ASB2: variants seen among roughly 807,000 people sequenced by gnomAD.
The protein encoded by ASB2 is ankyrin repeat and SOCS box protein 2.
A neutral mutation model predicts 62.4 loss-of-function variants in ASB2; 58 were observed. The observed-to-expected ratio is 0.93, with a 90% CI of 0.75 to 1.16. The LOEUF is 1.16. Ranked by LOEUF, ASB2 falls within the 50% of genes most tolerant of loss-of-function variation. The probability of loss-of-function intolerance (pLI) is 0.00; values close to 1 mark genes in which losing one functional copy is unlikely to be tolerated. For missense variants in ASB2, 928 were observed against 887.9 expected, an observed-to-expected ratio of 1.05 and a Z score of -0.57; for synonymous variants, 386 against 385.3, an observed-to-expected ratio of 1.00 and a Z score of -0.02.
chr14:93,939,772 G>A lies in ASB2; in HGVS notation c.1053-100C>T. The stretch of plus-strand genomic sequence containing the variant: ...GAGAGCTCGGGCGCCAGGCTCGGCT[G>A]GTCGCCCTGACCGCGGGCTGCGACG... On this transcript the variant is annotated intron_variant, in intron 7 of 9. Coordinates refer to ENST00000555019, the MANE Select transcript of ASB2 (RefSeq NM_001202429.2). 3.0e-6 allele frequency: 3 copies of A among 1,009,408 alleles called. No homozygotes were observed. The Admixed American group carries it at 1.3e-4, about 42-fold the overall frequency. 62.5% of individuals were successfully genotyped at this position (1,009,408 alleles called of 1,614,324 possible).
In ASB2 at chr14:93,947,381, C is replaced by T. The variant is rs566476720; in HGVS notation, c.1020G>A (p.Pro340=). The change falls in exon 7 of 10, where the codon CCG becomes CCA. Residue 340 remains proline (P), a synonymous_variant. Transcript: ENST00000555019. Reference sequence around the variant, plus strand: ...TGCCCTTCTTGGAGGCGATGTGCAGCGGGAGCAAGCCGTCCTTGTTGGTCT... The same window carrying T: ...TGCCCTTCTTGGAGGCGATGTGCAGTGGGAGCAAGCCGTCCTTGTTGGTCT... ...ANKTNKDGLL[P]LHIASKKGNY... 39 of 1,614,188 alleles carry T rather than the reference C, an allele frequency of 2.4e-5. No homozygotes were observed. The African/African-American group carries it at 2.5e-4, about 10-fold the overall frequency.
At chr14:93,976,342 A>T (rs1316119034) in intron 1 of ASB2, 92 bp downstream of exon 1, 1 of 152,234 alleles carries the variant, frequency 6.6e-6, no homozygotes, top group African/African-American at 2.4e-5. Context: ...TTTGACTACA[A>T]GCGGTTTCCA....
At chr14:93,971,449 CA>C (rs2141322594) in intron 1 of ASB2, among the ~76,000 whole-genome samples, 1 of 152,354 alleles carries the variant, frequency 6.6e-6, no homozygotes, top group African/African-American at 2.4e-5. Context: ...TGACTGCCAA[CA>C]AATGACAAGA....
At chr14:93,957,334 G>A (rs1332590562) in intron 2 of ASB2, 2 of 1,042,474 alleles carry the variant, frequency 1.9e-6, no homozygotes, top group Non-Finnish European at 2.3e-6. Context: ...AAGCTGAGAA[G>A]CCAAGCTGTA....
intron 7 of ASB2, 133 bp from the exon 8 acceptor site, chr14:93,939,805 C>T (rs1595301736): frequency 4.4e-6 from 3 of 687,862 alleles, no homozygotes; most frequent in South Asian, 2.8e-5. Flanking sequence ...ACGCGGATCC[C>T]ACCGGCAGGG....
rs547067875 is a variant in ASB2, at chr14:93,937,840, G to C, written c.1629C>G (p.Phe543Leu). The change falls in exon 9 of 10, where the codon TTC becomes TTG. Residue 543 changes from phenylalanine (F) to leucine (L), a missense_variant. Transcript: ENST00000555019. Reference protein sequence around the residue: ...KEPSVVQFCEFVSAPEVSRWA... With the variant: ...KEPSVVQFCELVSAPEVSRWA... The stretch of plus-strand genomic sequence containing the variant: ...AGCGGCTCACCTCTGGGGCAGATAC[G>C]AACTCACAGAACTGAAAGAGAACAT... The C allele has an allele frequency of 2.5e-6, 4 of 1,596,888 alleles. No homozygotes were observed. The highest frequency in any genetic ancestry group is 2.7e-5 in the African/African-American group (2 of 74,758).
In ASB2 at chr14:93,937,753, C is replaced by G; in HGVS notation, c.1716G>C (p.Arg572=). 6.2e-7 allele frequency: 1 copy of G among 1,613,176 alleles called. No individual in the cohort carries two copies. The highest frequency in any genetic ancestry group is 8.5e-7 in the Non-Finnish European group (1 of 1,179,172). The change falls in exon 9 of 10, where the codon CGG becomes CGC. Residue 572 remains arginine, a synonymous_variant. Coordinates refer to ENST00000555019, the MANE Select transcript of ASB2 (RefSeq NM_001202429.2). ...CAAAGCTGTCGATGTGTTCCTTCAG[C>G]CGCGAGCAGAGCTGCACGTTGCCCA... is the stretch of plus-strand genomic sequence containing the variant. ...DYVGNVQLCS[R]LKEHIDSFED... is the part of the protein sequence containing the mutation.
Position 93,939,213 on chromosome 14 carries a change from G to A in ASB2, c.1512C>T (p.Pro504=), listed in dbSNP as rs1181231078. ...FLMDLGCDGE[P]CFSCLYGNGP... is the part of the protein sequence containing the mutation. ...CGTTGCCGTAGAGGCATGAGAAGCA[G>A]GGCTCGCCGTCGCAGCCCAGGTCCA... Residue 504 remains proline, a synonymous_variant, in exon 8 of 10, where the codon CCC becomes CCT. Coordinates refer to ENST00000555019, the MANE Select transcript of ASB2 (RefSeq NM_001202429.2). 7 of 1,607,348 alleles carry A rather than the reference G, an allele frequency of 4.4e-6. No homozygotes were observed. The highest frequency in any genetic ancestry group is 6.0e-6 in the Non-Finnish European group (7 of 1,175,686).
intron 7 of ASB2, chr14:93,941,491 C>G (rs1345014911): frequency 2.8e-6 from 1 of 362,636 alleles, no homozygotes; most frequent in Non-Finnish European, 5.5e-6. Flanking sequence ...TGGCTAAAAT[C>G]TGACTCTAAA....
intron 2 of ASB2, among the ~76,000 whole-genome samples, chr14:93,960,907 A>G (rs1341194849): frequency 6.6e-6 from 1 of 152,024 alleles, no homozygotes; most frequent in Non-Finnish European, 1.5e-5. Flanking sequence ...AAAAACATTT[A>G]TTAGGTAGCT....
chr14:93,939,739 G>T, intron 7 of ASB2, 67 bp from the exon 8 acceptor site: 1 of 1,234,046 alleles, frequency 8.1e-7, no homozygotes, highest in Admixed American at 4.1e-5. Context: ...GGCCGGCCCC[G>T]CCAGCAGGAG....
At chr14:93,955,324 G>A (rs1889147278) in intron 3 of ASB2, 1 of 363,480 alleles carries the variant, frequency 2.8e-6, no homozygotes. Flanking sequence ...CCTCCAGCGT[G>A]AGCAGCACTT....
intron 2 of ASB2, among the ~76,000 whole-genome samples, chr14:93,958,019 C>A (rs553241820): frequency 6.6e-6 from 1 of 152,302 alleles, no homozygotes; most frequent in South Asian, 2.1e-4. Context: ...CCAGAGCCTA[C>A]AGATTCTGTG....
intron 6 of ASB2, among the ~76,000 whole-genome samples, chr14:93,949,038 A>C (rs2141287941): frequency 6.6e-6 from 1 of 152,344 alleles, no homozygotes; most frequent in Admixed American, 6.5e-5. Context: ...AGTCTTCTAC[A>C]CCTGCTTCAT....
intron 2 of ASB2, among the ~76,000 whole-genome samples, chr14:93,963,188 A>C (rs1889469103): frequency 6.6e-6 from 1 of 152,218 alleles, no homozygotes; most frequent in Non-Finnish European, 1.5e-5. Context: ...TGCACATCGG[A>C]AAAAGTCTGT....
At chr14:93,958,638 G>A (rs2141304858) in intron 2 of ASB2, among the ~76,000 whole-genome samples, 1 of 152,312 alleles carries the variant, frequency 6.6e-6, no homozygotes, top group East Asian at 1.9e-4. Context: ...CAGAGCCAAG[G>A]CCCCTCCTCA....
At chr14:93,948,529 A>G (rs1225308209) in intron 6 of ASB2, among the ~76,000 whole-genome samples, 1 of 152,246 alleles carries the variant, frequency 6.6e-6, no homozygotes, top group Non-Finnish European at 1.5e-5. Context: ...AATAACTTCT[A>G]GCTCTTATCA....
chr14:93,936,131 C>G (rs1005144085), intron 9 of ASB2, among the ~76,000 whole-genome samples: 9 of 152,314 alleles, frequency 5.9e-5, no homozygotes, highest in Admixed American at 2.6e-4. Context: ...GCAGAGGACA[C>G]GGAACCATGA....
chr14:93,949,612 A>C (rs2141288811), intron 6 of ASB2, among the ~76,000 whole-genome samples: 1 of 152,186 alleles, frequency 6.6e-6, no homozygotes, highest in East Asian at 1.9e-4. Context: ...GGGCTCTCAG[A>C]GGCAGGTGCC....
Sources: allele counts gnomAD v4.1 joint callset (sites outside exome capture counted in the v4.1 genomes callset), GRCh38; gene constraint gnomAD v4.1.1; transcripts MANE v1.5; gene names NCBI Gene and HGNC (gene_info 2026-07-23, HGNC 2026-07-21).